Variants in ADGRB3 observed in about 807,000 individuals in gnomAD.
The protein encoded by ADGRB3 is adhesion G protein-coupled receptor B3.
ADGRB3 carries 37 observed loss-of-function variants against 193.4 expected under a neutral mutation model. That is an observed-to-expected ratio of 0.19 (90% confidence interval 0.15 to 0.25). The LOEUF (loss-of-function observed/expected upper bound fraction) is 0.25. Ranked by LOEUF, ADGRB3 falls within the 10% of genes least tolerant of loss-of-function variation. The probability of loss-of-function intolerance (pLI) is 1.00; values close to 1 mark genes in which losing one functional copy is unlikely to be tolerated. For missense variants in ADGRB3, 1,637 were observed against 1,852.9 expected, an observed-to-expected ratio of 0.88 and a Z score of 2.14; for synonymous variants, 690 against 644.2, an observed-to-expected ratio of 1.07 and a Z score of -1.08.
chr6:68,871,385 A>G (rs762524662), intron 3 of ADGRB3, among the ~76,000 whole-genome samples: 2 of 152,174 alleles, frequency 1.3e-5, no homozygotes, highest in Non-Finnish European at 2.9e-5. Context: ...TCAAAATATT[A>G]TTTAACTTAG....
chr6:69,029,748 A>T (rs1265583717), intron 13 of ADGRB3, among the ~76,000 whole-genome samples: 1 of 152,134 alleles, frequency 6.6e-6, no homozygotes, highest in Non-Finnish European at 1.5e-5. Context: ...GAATTGTGAA[A>T]GCTGTCCTCA....
chr6:68,984,062 G>A (rs1035260479), intron 10 of ADGRB3, among the ~76,000 whole-genome samples: 1 of 152,156 alleles, frequency 6.6e-6, no homozygotes, highest in African/African-American at 2.4e-5. Context: ...AGCAAGAAGA[G>A]AGTGTCATGA....
intron 3 of ADGRB3, among the ~76,000 whole-genome samples, chr6:68,747,829 C>T (rs1026788295): frequency 1.3e-5 from 2 of 152,102 alleles, no homozygotes; most frequent in African/African-American, 4.8e-5. Context: ...AGTCGGTTTT[C>T]ATGCTGCTGA....
chr6:68,701,549 A>G (rs1022796860), intron 3 of ADGRB3, among the ~76,000 whole-genome samples: 1 of 152,204 alleles, frequency 6.6e-6, no homozygotes, highest in African/African-American at 2.4e-5. Context: ...TAATCAGAGG[A>G]GAAAAGTTTG....
intron 17 of ADGRB3, among the ~76,000 whole-genome samples, chr6:69,097,052 A>G (rs763188212): frequency 1.3e-5 from 2 of 152,258 alleles, no homozygotes; most frequent in Non-Finnish European, 2.9e-5. Flanking sequence ...AAAAGAGGAC[A>G]TTAAGAAAGA....
chr6:69,069,356 G>A (rs992250139), intron 16 of ADGRB3, among the ~76,000 whole-genome samples: 22 of 151,618 alleles, frequency 1.5e-4, no homozygotes, highest in African/African-American at 4.6e-4. Context: ...AACTATTAGC[G>A]GACTGTGATG....
chr6:69,318,385 G>A (rs1768364641), intron 20 of ADGRB3, among the ~76,000 whole-genome samples: 1 of 151,180 alleles, frequency 6.6e-6, no homozygotes, highest in African/African-American at 2.4e-5. Flanking sequence ...ATTATGGGGA[G>A]GTCATTTTTG....
At chr6:69,100,488 C>T (rs1378982638) in intron 17 of ADGRB3, among the ~76,000 whole-genome samples, 1 of 152,060 alleles carries the variant, frequency 6.6e-6, no homozygotes, top group Non-Finnish European at 1.5e-5. Context: ...AAACTAAGTT[C>T]TCCCATTTTG....
At chr6:68,661,331 A>G (rs1420648028) in intron 3 of ADGRB3, among the ~76,000 whole-genome samples, 1 of 117,424 alleles carries the variant, frequency 8.5e-6, no homozygotes, top group African/African-American at 3.4e-5. Context: ...GTGTGTATAT[A>G]TATATATATA....
chr6:68,871,540 T>A (rs1334141814), intron 3 of ADGRB3, among the ~76,000 whole-genome samples: 2 of 152,130 alleles, frequency 1.3e-5, no homozygotes, highest in Admixed American at 6.5e-5. Flanking sequence ...ATGTTTTTCT[T>A]GTTGATAAGC....
intron 3 of ADGRB3, among the ~76,000 whole-genome samples, chr6:68,830,310 A>G (rs1009173249): frequency 6.6e-6 from 1 of 152,134 alleles, no homozygotes; most frequent in Non-Finnish European, 1.5e-5. Flanking sequence ...ATTTCAAAGT[A>G]AGCAAAGTTT....
At position 68,804,478 on chromosome 6, in the gene ADGRB3, T is replaced by C. The variant is rs138596145; in HGVS notation, c.758-126081T>C. 4.3e-3 allele frequency among the ~76,000 whole-genome samples: 657 copies of C among 152,320 alleles called. 4 individuals are homozygous for C. Among genetic ancestry groups the C allele is most frequent in the African/African-American group, 0.015 (619 of 41,574 alleles). On this transcript the variant is annotated intron_variant, in intron 3 of 31. Transcript: ENST00000370598. The stretch of plus-strand genomic sequence containing the variant: ...ATTTTTTTTAAAAATTCTCTATTTC[T>C]TATTACACTACTTGTTCAGTTATGT...
At chr6:69,003,774 C>A (rs1769655009) in intron 11 of ADGRB3, among the ~76,000 whole-genome samples, 1 of 152,070 alleles carries the variant, frequency 6.6e-6, no homozygotes, top group Non-Finnish European at 1.5e-5. Context: ...GCTTCACAAC[C>A]CAACATGGTT....
intron 3 of ADGRB3, among the ~76,000 whole-genome samples, chr6:68,666,095 T>A (rs1768793046): frequency 6.6e-6 from 1 of 151,930 alleles, no homozygotes; most frequent in Admixed American, 6.6e-5. Context: ...GAGTGTCATG[T>A]TCTTCATTAA....
intron 3 of ADGRB3, among the ~76,000 whole-genome samples, chr6:68,739,221 G>C (rs561753940): frequency 1.3e-5 from 2 of 152,108 alleles, no homozygotes; most frequent in South Asian, 4.1e-4. Flanking sequence ...GGGTAAATAC[G>C]AAGAAAGGGA....
intron 20 of ADGRB3, among the ~76,000 whole-genome samples, chr6:69,289,823 G>A (rs749490092): frequency 3.3e-4 from 50 of 151,624 alleles, no homozygotes; most frequent in Non-Finnish European, 6.8e-4. Context: ...CTAAGGTGCT[G>A]CACTCTGCCA....
intron 26 of ADGRB3, among the ~76,000 whole-genome samples, chr6:69,350,319 A>G (rs1769195241): frequency 6.6e-6 from 1 of 151,156 alleles, no homozygotes; most frequent in Non-Finnish European, 1.5e-5. Context: ...TCATTTTACA[A>G]CATGCCATTA....
chr6:68,680,232 A>C (rs2127297801), intron 3 of ADGRB3, among the ~76,000 whole-genome samples: 1 of 152,208 alleles, frequency 6.6e-6, no homozygotes, highest in Non-Finnish European at 1.5e-5. Flanking sequence ...ACACAAGTAT[A>C]TTGTTGTCAG....
At chr6:68,875,895 ATATGAT>A (rs138665176) in intron 3 of ADGRB3, among the ~76,000 whole-genome samples, 5,735 of 152,176 alleles carry the variant, frequency 0.038, 156 homozygotes, top group Non-Finnish European at 0.051. Context: ...TATTTCCCCC[ATATGAT>A]TATAAGTGCT....
Sources: gnomAD v4.1 joint callset for allele counts (sites outside exome capture counted in the v4.1 genomes callset) on GRCh38, gnomAD v4.1.1 for gene constraint, MANE v1.5 for transcripts, NCBI Gene and HGNC (gene_info 2026-07-23, HGNC 2026-07-21) for gene names.